Variants in TANK observed in about 807,000 individuals in gnomAD.
The protein encoded by TANK is TRAF family member-associated NF-kappa-B activator.
A neutral mutation model predicts 43.6 loss-of-function variants in TANK; 15 were observed. The ratio of observed to expected loss-of-function variants is 0.34; its 90% confidence interval spans 0.23 to 0.53. The LOEUF (loss-of-function observed/expected upper bound fraction) is 0.53, where lower values mean the gene tolerates loss of function less well. Ranked by LOEUF, TANK falls within the 20% of genes least tolerant of loss-of-function variation. The pLI is 0.94. For missense variants in TANK, 417 were observed against 498.6 expected (o/e 0.84, Z 1.56); for synonymous variants, 162 against 178.2 (o/e 0.91, Z 0.73).
chr2:161,204,327 A>G (rs1276319621), intron 3 of TANK, among the ~76,000 whole-genome samples: 2 of 152,204 alleles, frequency 1.3e-5, no homozygotes, highest in Non-Finnish European at 2.9e-5. Context: ...GCATGGAGTC[A>G]TAATACAAAT....
intron 3 of TANK, among the ~76,000 whole-genome samples, 162 bp from the exon 4 acceptor site, chr2:161,204,513 T>C (rs1312489336): frequency 6.6e-6 from 1 of 152,162 alleles, no homozygotes; most frequent in Non-Finnish European, 1.5e-5. Context: ...AAAATATAAA[T>C]GGACAACTTG....
In TANK at chr2:161,232,673, A is replaced by T. The variant is rs544330281; in HGVS notation, c.1101+1122A>T. ...GAATTCCTGTGGAGCTGTGAAGTGC[A>T]TCAGTTCTAATGCTTGTTACTTTTT... On this transcript the variant is annotated intron_variant, in intron 7 of 7. Transcript: ENST00000392749. 3.3e-5 allele frequency: 48 copies of T among 1,474,368 alleles called. No homozygotes were observed. The African/African-American group carries it at 5.5e-4, about 17-fold the overall frequency. 91.3% of individuals were successfully genotyped at this position (1,474,368 alleles called of 1,614,324 possible).
intron 4 of TANK, chr2:161,207,579 T>C (rs1442734170): frequency 7.1e-6 from 7 of 984,708 alleles, no homozygotes; most frequent in Non-Finnish European, 8.4e-6. Flanking sequence ...ATTTATTGAA[T>C]ATTTGAGAGT....
intron 1 of TANK, among the ~76,000 whole-genome samples, chr2:161,167,894 G>T (rs1045589553): frequency 6.6e-6 from 1 of 152,092 alleles, no homozygotes; most frequent in African/African-American, 2.4e-5. Flanking sequence ...AGAGTGCTGG[G>T]ATTACAAGTG....
Position 161,235,796 on chromosome 2 carries a change from C to A in TANK, c.*278C>A. ...TGTTTACAGTGCTATTACTATAATT[C>A]AAAATTATGTATGTGACTTAGAGTT... On this transcript the variant is annotated 3_prime_UTR_variant, in exon 8 of 8. Coordinates refer to ENST00000392749, the MANE Select transcript of TANK (RefSeq NM_001199135.3). 1 of 213,658 alleles carries A rather than the reference C, an allele frequency of 4.7e-6. No individual in the cohort carries two copies. Among genetic ancestry groups the A allele is most frequent in the Non-Finnish European group, 9.1e-6 (1 of 109,350 alleles). The allele number at this position is 213,658 out of a possible 1,614,324, so 13.2% of individuals were successfully genotyped here. A position where few individuals can be genotyped will look rare whatever the true frequency, so the allele number is the denominator to read the frequency against.
intron 4 of TANK, chr2:161,207,763 G>T (rs1468858876): frequency 1.0e-6 from 1 of 985,088 alleles, no homozygotes; most frequent in African/African-American, 1.7e-5. Context: ...CTGAATATAT[G>T]GTTATATTCA....
chr2:161,170,183 C>T (rs955151956), intron 1 of TANK, among the ~76,000 whole-genome samples: 5 of 152,098 alleles, frequency 3.3e-5, no homozygotes, highest in African/African-American at 7.2e-5. Context: ...ATAGGAGGAA[C>T]ATCAAGTTAA....
intron 1 of TANK, among the ~76,000 whole-genome samples, chr2:161,175,398 A>C (rs1685132745): frequency 6.6e-6 from 1 of 152,136 alleles, no homozygotes; most frequent in African/African-American, 2.4e-5. Context: ...GTCAAAGAGG[A>C]ATGTTAATAT....
rs145628645 is a variant in TANK, at chr2:161,147,717, T to C, written c.-50+10654T>C. ...GATTTGCGTGCTGTTATAGTCCTTTTTGATGGGAGCCTCCAATCGCTGCTC... is the reference window on the plus strand; with the variant it reads ...GATTTGCGTGCTGTTATAGTCCTTTCTGATGGGAGCCTCCAATCGCTGCTC... On this transcript the variant is annotated intron_variant, in intron 1 of 7. Transcript: ENST00000259075. Among the ~76,000 whole-genome samples, 1,141 of 152,316 alleles carry C rather than the reference T, an allele frequency of 7.5e-3. 15 individuals are homozygous for C. The highest frequency in any genetic ancestry group is 0.04 in the South Asian group (193 of 4,828).
chr2:161,169,703 G>A (rs933362727), intron 1 of TANK, among the ~76,000 whole-genome samples: 2 of 152,152 alleles, frequency 1.3e-5, no homozygotes, highest in Non-Finnish European at 2.9e-5. Flanking sequence ...TAAGATATAG[G>A]TACGTATAGC....
intron 2 of TANK, among the ~76,000 whole-genome samples, chr2:161,188,762 ATGTT>A (rs957469209): frequency 2.0e-5 from 3 of 152,190 alleles, no homozygotes; most frequent in African/African-American, 4.8e-5. Flanking sequence ...TATGGTTTGA[ATGTT>A]TGTCGCCTCC....
chr2:161,161,195 C>G (rs2105248321), intron 1 of TANK: 4 of 1,496,052 alleles, frequency 2.7e-6, no homozygotes, highest in African/African-American at 1.4e-5. Context: ...GGAGGATAAT[C>G]AAAGAAGAGC....
intron 2 of TANK, among the ~76,000 whole-genome samples, chr2:161,182,417 G>A (rs1287114744): frequency 1.3e-5 from 2 of 152,048 alleles, no homozygotes; most frequent in African/African-American, 4.8e-5. Context: ...TCCCCTCTTT[G>A]GGTTTGATTA....
chr2:161,184,357 A>G (rs113814801), intron 2 of TANK, among the ~76,000 whole-genome samples: 1 of 152,306 alleles, frequency 6.6e-6, no homozygotes, highest in East Asian at 1.9e-4. Flanking sequence ...ATACTAAGCA[A>G]TGTTCTAAGA....
intron 4 of TANK, 58 bp from the exon 5 acceptor site, chr2:161,223,857 C>A: frequency 8.5e-7 from 1 of 1,172,158 alleles, no homozygotes; most frequent in Non-Finnish European, 1.2e-6. Context: ...TTTACTCGAC[C>A]TCATTTGAAT....
intron 1 of TANK, among the ~76,000 whole-genome samples, chr2:161,170,686 A>T (rs1485137033): frequency 6.6e-6 from 1 of 152,180 alleles, no homozygotes. Context: ...ACCACCGTGG[A>T]TGATTCTAAT....
In TANK at chr2:161,231,430, C is replaced by T. The variant is rs374362624; in HGVS notation, c.980C>T (p.Ala327Val). ...ATCAGGACAACTCTGGATAGAGCTG[C>T]GTGTTTGCCACCTGGAGACCATAAT... The part of the protein sequence containing the change: ...TCIRTTLDRA[A>V]CLPPGDHNAL... Residue 327 changes from alanine to valine, a missense_variant, in exon 7 of 8, where the codon GCG becomes GTG. Ala to Val is a moderately conservative substitution (Grantham distance 64). Transcript: ENST00000392749. 17 of 1,614,036 alleles carry T rather than the reference C, an allele frequency of 1.1e-5. No individual in the cohort carries two copies. Among genetic ancestry groups the T allele is most frequent in the African/African-American group, 4.0e-5 (3 of 74,918 alleles).
At chr2:161,209,783 A>G (rs147102818) in intron 4 of TANK, among the ~76,000 whole-genome samples, 4 of 152,302 alleles carry the variant, frequency 2.6e-5, no homozygotes, top group African/African-American at 9.6e-5. Context: ...TGAATTCATG[A>G]TGTATACTTA....
intron 2 of TANK, among the ~76,000 whole-genome samples, chr2:161,189,219 G>A (rs541041760): frequency 6.6e-6 from 1 of 152,256 alleles, no homozygotes; most frequent in East Asian, 1.9e-4. Context: ...CTATAATGCA[G>A]TAATGGTTCA....
Sources: allele counts gnomAD v4.1 joint callset (sites outside exome capture counted in the v4.1 genomes callset), GRCh38; gene constraint gnomAD v4.1.1; transcripts MANE v1.5; gene names NCBI Gene and HGNC (gene_info 2026-07-23, HGNC 2026-07-21).